Variants in GRAMD1C observed in about 807,000 individuals in gnomAD.
The protein encoded by GRAMD1C is GRAM domain containing 1C, also known as protein Aster-C.
In GRAMD1C, 89 loss-of-function variants were observed where a neutral mutation model predicts 97.8. That is an observed-to-expected ratio of 0.91 (90% CI 0.77 to 1.09). The LOEUF is 1.09. Ranked by LOEUF, GRAMD1C falls within the 50% of genes least tolerant of loss-of-function variation. The pLI, the probability that GRAMD1C is intolerant of heterozygous loss-of-function variation, is 0.00. For synonymous variants in GRAMD1C, 256 were observed against 267.0 expected (o/e 0.96, Z 0.40); for missense variants, 740 against 766.4 (o/e 0.97, Z 0.41).
intron 1 of GRAMD1C, among the ~76,000 whole-genome samples, chr3:113,841,499 A>G (rs2054097664): frequency 6.6e-6 from 1 of 151,930 alleles, no homozygotes. Flanking sequence ...CATGTTGGTC[A>G]GGCTGGTCTT....
chr3:113,838,686 T>C (rs1319662387), upstream of GRAMD1C: 3 of 368,596 alleles, frequency 8.1e-6, no homozygotes, highest in Admixed American at 4.6e-5. Flanking sequence ...GGAAGTCTCA[T>C]TGTGACCCCT....
At chr3:113,845,544 C>T (rs1933570838) in intron 2 of GRAMD1C, among the ~76,000 whole-genome samples, 1 of 151,704 alleles carries the variant, frequency 6.6e-6, no homozygotes, top group South Asian at 2.1e-4. Flanking sequence ...AACAAACAAA[C>T]AAAAATTAGC....
chr3:113,891,302 CGT>C (rs1935715054), intron 6 of GRAMD1C, among the ~76,000 whole-genome samples: 1 of 152,086 alleles, frequency 6.6e-6, no homozygotes, highest in South Asian at 2.1e-4. Context: ...CAATTTTTAA[CGT>C]ATAAATATCT....
At chr3:113,837,484 T>G (rs1709653136), upstream of GRAMD1C, among the ~76,000 whole-genome samples, 2 of 152,196 alleles carry the variant, frequency 1.3e-5, no homozygotes, top group Non-Finnish European at 2.9e-5. Flanking sequence ...TCAATACATG[T>G]AAGATTTACA....
At chr3:113,857,019 A>G (rs1238279611) in intron 2 of GRAMD1C, among the ~76,000 whole-genome samples, 1 of 151,702 alleles carries the variant, frequency 6.6e-6, no homozygotes, top group East Asian at 1.9e-4. Context: ...TTGTATTTTT[A>G]GTAGAGATGG....
chr3:113,932,770 G>A (rs7649859), intron 11 of GRAMD1C, among the ~76,000 whole-genome samples: 110,955 of 152,064 alleles, frequency 0.73, 40,648 homozygotes, highest in African/African-American at 0.76. Context: ...TAGTGGTGCA[G>A]TCATAGTTCA....
At chr3:113,906,676 A>G (rs114155127) in intron 8 of GRAMD1C, among the ~76,000 whole-genome samples, 4,282 of 152,088 alleles carry the variant, frequency 0.028, 212 homozygotes, top group African/African-American at 0.098. Flanking sequence ...AATCTATTGT[A>G]GCCTAAGTGT....
intron 9 of GRAMD1C, among the ~76,000 whole-genome samples, chr3:113,915,242 A>G (rs1475150913): frequency 1.3e-5 from 2 of 152,190 alleles, no homozygotes; most frequent in Non-Finnish European, 2.9e-5. Flanking sequence ...TCAGGCTGAT[A>G]AGCTAAGTGC....
intron 5 of GRAMD1C, among the ~76,000 whole-genome samples, chr3:113,879,875 G>A (rs1394501682): frequency 6.6e-6 from 1 of 151,804 alleles, no homozygotes; most frequent in Admixed American, 6.6e-5. Flanking sequence ...TGTATTTTTA[G>A]TAGAGACGGG....
intron 1 of GRAMD1C, among the ~76,000 whole-genome samples, chr3:113,833,126 T>TC (rs1559769409): frequency 6.7e-6 from 1 of 149,558 alleles, no homozygotes; most frequent in African/African-American, 2.5e-5. Context: ...CTTTCTTTTT[T>TC]TTTTTTTTTG....
At chr3:113,858,915 G>A (rs1179866863) in intron 2 of GRAMD1C, among the ~76,000 whole-genome samples, 1 of 152,118 alleles carries the variant, frequency 6.6e-6, no homozygotes, top group Non-Finnish European at 1.5e-5. Flanking sequence ...GAGTTCTGTA[G>A]AGTCTACAGT....
At chr3:113,877,495 C>CT (rs1224022462) in intron 5 of GRAMD1C, among the ~76,000 whole-genome samples, 1 of 152,102 alleles carries the variant, frequency 6.6e-6, no homozygotes, top group East Asian at 1.9e-4. Context: ...CTTTTCTTGA[C>CT]TTTTATGTCC....
At chr3:113,838,763 G>A (rs1559771399), upstream of GRAMD1C, 2 of 445,766 alleles carry the variant, frequency 4.5e-6, no homozygotes, top group Non-Finnish European at 7.3e-6. Flanking sequence ...GCCGCCAGAG[G>A]GCGCAAGGAG....
intron 6 of GRAMD1C, among the ~76,000 whole-genome samples, chr3:113,888,479 CTTAAG>C (rs1448796974): frequency 3.3e-5 from 5 of 152,024 alleles, no homozygotes; most frequent in African/African-American, 1.2e-4. Context: ...TAGAGTAGAT[CTTAAG>C]TTTTTTCACC....
intron 3 of GRAMD1C, among the ~76,000 whole-genome samples, chr3:113,871,613 T>G (rs1934812875): frequency 6.6e-6 from 1 of 151,440 alleles, no homozygotes; most frequent in Non-Finnish European, 1.5e-5. Context: ...GGTGTGGTGG[T>G]GGATGCCTGT....
At chr3:113,902,744 T>C (rs1445827472) in intron 7 of GRAMD1C, among the ~76,000 whole-genome samples, 10 of 151,112 alleles carry the variant, frequency 6.6e-5, no homozygotes, top group Non-Finnish European at 1.5e-4. Flanking sequence ...CCTCCTGGGT[T>C]CAAGCGATTC....
In GRAMD1C at chr3:113,945,679, A is replaced by G; in HGVS notation, c.*201A>G. The stretch of plus-strand genomic sequence containing the variant: ...TTAATAATCCATCCTTTCACTTCTT[A>G]TAGATATTTTTAAGCTGTGAATTTC... On this transcript the variant is annotated 3_prime_UTR_variant, in exon 18 of 18. Coordinates refer to ENST00000358160, the MANE Select transcript of GRAMD1C (RefSeq NM_017577.5). 7.9e-6 allele frequency: 4 copies of G among 505,360 alleles called. No individual in the cohort carries two copies. Among genetic ancestry groups the G allele is most frequent in the Non-Finnish European group, 1.4e-5 (4 of 286,808 alleles). 31.3% of individuals were successfully genotyped at this position (505,360 alleles called of 1,614,324 possible).
At chr3:113,932,718 C>G (rs1434307231) in intron 11 of GRAMD1C, among the ~76,000 whole-genome samples, 1 of 152,062 alleles carries the variant, frequency 6.6e-6, no homozygotes, top group Non-Finnish European at 1.5e-5. Flanking sequence ...GTCCCTTTCT[C>G]TCTTTAAGAG....
chr3:113,931,782 C>T (rs1480819588), intron 11 of GRAMD1C, among the ~76,000 whole-genome samples: 2 of 151,924 alleles, frequency 1.3e-5, no homozygotes, highest in Non-Finnish European at 2.9e-5. Context: ...TAAAATTAAC[C>T]AGGCATGATG....
Sources: gnomAD v4.1 joint callset for allele counts (sites outside exome capture counted in the v4.1 genomes callset) on GRCh38, gnomAD v4.1.1 for gene constraint, MANE v1.5 for transcripts, NCBI Gene and HGNC (gene_info 2026-07-23, HGNC 2026-07-21) for gene names.